TMEM132C: variants seen among roughly 807,000 people sequenced by gnomAD.
TMEM132C encodes the protein transmembrane protein 132C, also known as protein phosphatase 1, regulatory subunit 152.
TMEM132C carries 29 observed loss-of-function variants against 61.4 expected under a neutral mutation model. The ratio of observed to expected loss-of-function variants is 0.47; its 90% CI spans 0.35 to 0.64. TMEM132C has a LOEUF of 0.64. Ranked by LOEUF, TMEM132C falls within the 30% of genes least tolerant of loss-of-function variation. The pLI is 0.00. For synonymous variants in TMEM132C, 656 were observed against 633.1 expected, an observed-to-expected ratio of 1.04 and a Z score of -0.54; for missense variants, 1,408 against 1,476.9, an observed-to-expected ratio of 0.95 and a Z score of 0.76.
chr12:128,325,563 T>A (rs1365184277), intron 1 of TMEM132C, among the ~76,000 whole-genome samples: 1 of 152,250 alleles, frequency 6.6e-6, no homozygotes, highest in African/African-American at 2.4e-5. Flanking sequence ...GTGTATATTC[T>A]TCATGAAAGT....
chr12:128,645,665 G>C (rs74843566), intron 4 of TMEM132C, among the ~76,000 whole-genome samples: 2 of 152,214 alleles, frequency 1.3e-5, no homozygotes, highest in African/African-American at 2.4e-5. Flanking sequence ...CTCTCTACCT[G>C]TGGTTCCTTT....
intron 2 of TMEM132C, among the ~76,000 whole-genome samples, chr12:128,421,147 C>A (rs1868974495): frequency 6.6e-6 from 1 of 152,158 alleles, no homozygotes; most frequent in Non-Finnish European, 1.5e-5. Context: ...CATGAACCAC[C>A]TCTCACCCTC....
intron 1 of TMEM132C, among the ~76,000 whole-genome samples, chr12:128,375,844 G>C (rs1290590170): frequency 2.0e-5 from 3 of 152,222 alleles, no homozygotes. Flanking sequence ...GGATGCAAAG[G>C]TGATGGATTT....
At chr12:128,357,500 G>A (rs190986681) in intron 1 of TMEM132C, among the ~76,000 whole-genome samples, 79 of 152,180 alleles carry the variant, frequency 5.2e-4, no homozygotes, top group Non-Finnish European at 9.4e-4. Flanking sequence ...TTTGAGACCA[G>A]CCTGACGAAC....
At chr12:128,566,189 C>CAAGAAAAAAAAAAAAA (rs1874693818) in intron 3 of TMEM132C, among the ~76,000 whole-genome samples, 1 of 67,858 alleles carries the variant, frequency 1.5e-5, no homozygotes, top group East Asian at 4.5e-4. Context: ...CAAGCCTAAC[C>CAAGAAAAAAAAAAAAA]AAAAAAAAAA....
At chr12:128,674,465 T>G (rs1954563739) in intron 5 of TMEM132C, among the ~76,000 whole-genome samples, 1 of 152,214 alleles carries the variant, frequency 6.6e-6, no homozygotes, top group South Asian at 2.1e-4. Flanking sequence ...TCCTCTTGAG[T>G]AGATACAGAG....
chr12:128,596,535 T>TAAAGAACCTGCCTTC (rs1382558549), intron 3 of TMEM132C, among the ~76,000 whole-genome samples: 1 of 147,892 alleles, frequency 6.8e-6, no homozygotes, highest in African/African-American at 2.5e-5. Flanking sequence ...CGGCAGGGCT[T>TAAAGAACCTGCCTTC]CACTGATCCC....
intron 2 of TMEM132C, among the ~76,000 whole-genome samples, chr12:128,462,820 C>T (rs1870584082): frequency 6.6e-6 from 1 of 152,058 alleles, no homozygotes; most frequent in African/African-American, 2.4e-5. Context: ...AGATGAGAGC[C>T]CCAGTGTGGG....
At chr12:128,383,066 G>A (rs1431839331) in intron 1 of TMEM132C, among the ~76,000 whole-genome samples, 1 of 152,056 alleles carries the variant, frequency 6.6e-6, no homozygotes, top group Non-Finnish European at 1.5e-5. Context: ...CTGTATGTAT[G>A]TGTATGAGTC....
chr12:128,431,857 A>G (rs1442498366), intron 2 of TMEM132C, among the ~76,000 whole-genome samples: 1 of 152,078 alleles, frequency 6.6e-6, no homozygotes. Flanking sequence ...GCTAGAAGGG[A>G]GAAGACAATG....
chr12:128,590,070 A>G (rs1875698882), intron 3 of TMEM132C, among the ~76,000 whole-genome samples: 1 of 152,214 alleles, frequency 6.6e-6, no homozygotes, highest in Non-Finnish European at 1.5e-5. Context: ...TCTCTGGGAT[A>G]TGGAGGCTTT....
chr12:128,566,189 C>CAAAAAA (rs59258589), intron 3 of TMEM132C, among the ~76,000 whole-genome samples: 65 of 67,826 alleles, frequency 9.6e-4, no homozygotes, highest in African/African-American at 3.0e-3. Context: ...CAAGCCTAAC[C>CAAAAAA]AAAAAAAAAA....
At chr12:128,287,276 G>A (rs1406727214) in intron 1 of TMEM132C, among the ~76,000 whole-genome samples, 1 of 152,138 alleles carries the variant, frequency 6.6e-6, no homozygotes, top group African/African-American at 2.4e-5. Context: ...TGCCCACTCT[G>A]TATAAAGTAC....
intron 1 of TMEM132C, among the ~76,000 whole-genome samples, chr12:128,299,412 T>C (rs1871525158): frequency 6.6e-6 from 1 of 152,074 alleles, no homozygotes; most frequent in South Asian, 2.1e-4. Flanking sequence ...GTCCATGAGA[T>C]TTTGAGTTAA....
At chr12:128,402,816 G>A (rs2136011489) in intron 1 of TMEM132C, among the ~76,000 whole-genome samples, 1 of 152,308 alleles carries the variant, frequency 6.6e-6, no homozygotes, top group South Asian at 2.1e-4. Flanking sequence ...TTCCCTCTGT[G>A]CCTACCTAGG....
chr12:128,528,455 A>C (rs981410565), intron 2 of TMEM132C, among the ~76,000 whole-genome samples: 3 of 152,220 alleles, frequency 2.0e-5, no homozygotes, highest in African/African-American at 7.2e-5. Context: ...ATGCGTGGAC[A>C]GTGTTTTTGG....
At chr12:128,561,405 G>T (rs7298970) in intron 3 of TMEM132C, among the ~76,000 whole-genome samples, 2,631 of 152,250 alleles carry the variant, frequency 0.017, 71 homozygotes, top group African/African-American at 0.061. Flanking sequence ...GCTTGAAAAC[G>T]GAAGAGTCTT....
intron 1 of TMEM132C, among the ~76,000 whole-genome samples, chr12:128,305,157 T>A (rs1871726102): frequency 6.6e-6 from 1 of 152,000 alleles, no homozygotes; most frequent in South Asian, 2.1e-4. Context: ...AGTGGGAGGA[T>A]CACTTGAGGC....
chr12:128,616,213 C>A lies in TMEM132C; in HGVS notation c.1183C>A (p.Leu395Ile). 6.4e-7 allele frequency: 1 copy of A among 1,551,778 alleles called. No individual in the cohort carries two copies. Among genetic ancestry groups the A allele is most frequent in the Non-Finnish European group, 8.7e-7 (1 of 1,146,994 alleles). Residue 395 changes from leucine (L) to isoleucine (I), a missense_variant, in exon 4 of 9, where the codon CTT (leucine) becomes ATT (isoleucine). Transcript: ENST00000435159. ...MNFEIASFSS[L>I]SGTQPITWQV... is the part of the protein sequence containing the mutation. ...CTTTGAAATAGCCAGTTTCAGCAGCCTTTCAGGGACTCAGCCCATCACGTG... is the reference window on the plus strand; with the variant it reads ...CTTTGAAATAGCCAGTTTCAGCAGCATTTCAGGGACTCAGCCCATCACGTG...
Sources: allele counts gnomAD v4.1 joint callset (sites outside exome capture counted in the v4.1 genomes callset), GRCh38; gene constraint gnomAD v4.1.1; transcripts MANE v1.5; gene names NCBI Gene and HGNC (gene_info 2026-07-23, HGNC 2026-07-21).